ACSL5: variants seen among roughly 807,000 people sequenced by gnomAD.
ACSL5 encodes long-chain-fatty-acid--CoA ligase 5.
ACSL5 carries 50 observed loss-of-function variants against 84.9 expected under a neutral mutation model. The observed-to-expected ratio is 0.59, with a 90% CI of 0.47 to 0.75. The LOEUF (loss-of-function observed/expected upper bound fraction) is 0.75, where lower values mean the gene tolerates loss of function less well. Ranked by LOEUF, ACSL5 falls within the 30% of genes least tolerant of loss-of-function variation. The pLI is 0.00. For missense variants in ACSL5, 775 were observed against 830.4 expected (o/e 0.93, Z 0.82); for synonymous variants, 280 against 300.7 (o/e 0.93, Z 0.71).
chr10:112,392,244 G>A (rs1843658012), intron 1 of ACSL5, among the ~76,000 whole-genome samples: 1 of 152,182 alleles, frequency 6.6e-6, no homozygotes, highest in African/African-American at 2.4e-5. Flanking sequence ...GGCCAAGGTG[G>A]GAGGACCACT....
At chr10:112,423,773 G>C (rs775067517) in intron 17 of ACSL5, among the ~76,000 whole-genome samples, 11 of 152,140 alleles carry the variant, frequency 7.2e-5, no homozygotes, top group Non-Finnish European at 1.3e-4. Context: ...TAGGAAAGGG[G>C]AAGGGAGATG....
At position 112,398,939 on chromosome 10, in the gene ACSL5, C is replaced by T; in HGVS notation, c.195C>T (p.Asp65=). ...ARKGVSQKNN[D]LTSCCFSDAK... The stretch of plus-strand genomic sequence containing the variant: ...AGGGGGTTTCCCAGAAGAACAATGA[C>T]CTAACAAGTTGCTGCTTCTCAGATG... The change falls in exon 3 of 21, where the codon GAC becomes GAT. Residue 65 remains aspartate (D), a synonymous_variant. Transcript: ENST00000354655. The T allele has an allele frequency of 1.2e-6, 2 of 1,614,056 alleles. No individual in the cohort carries two copies. Among genetic ancestry groups the T allele is most frequent in the Non-Finnish European group, 1.7e-6 (2 of 1,179,986 alleles).
At chr10:112,410,317 G>A in intron 7 of ACSL5, 146 bp from the exon 8 acceptor site, 1 of 1,550,004 alleles carries the variant, frequency 6.5e-7, no homozygotes. Context: ...GTTCCTGAAT[G>A]TTGGCTTCTG....
intron 16 of ACSL5, 34 bp from the exon 17 acceptor site, chr10:112,422,291 G>A: frequency 6.3e-7 from 1 of 1,578,558 alleles, no homozygotes; most frequent in Non-Finnish European, 8.7e-7. Context: ...AGCAGCCTTT[G>A]CTATTGTCAC....
intron 14 of ACSL5, among the ~76,000 whole-genome samples, chr10:112,418,546 C>T (rs2133653690): frequency 6.6e-6 from 1 of 152,140 alleles, no homozygotes; most frequent in South Asian, 2.1e-4. Flanking sequence ...TGCGCCACTG[C>T]ACTCCAGCCT....
intron 14 of ACSL5, chr10:112,419,979 A>G (rs761855689): frequency 5.3e-5 from 8 of 152,172 alleles, no homozygotes; most frequent in Non-Finnish European, 1.2e-4. Flanking sequence ...TAATTAGTTC[A>G]TTCATTCAAC....
Position 112,427,297 on chromosome 10 carries a change from G to A in ACSL5, c.1991G>A (p.Gly664Glu). The A allele has an allele frequency of 6.2e-7, 1 of 1,613,796 alleles. No homozygotes were observed. The highest frequency in any genetic ancestry group is 8.5e-7 in the Non-Finnish European group (1 of 1,179,802). The stretch of plus-strand genomic sequence containing the variant: ...ACACCAACATTGAAAGCAAAGCGAG[G>A]AGAGCTTTCCAAATACTTTCGGACC... ...LLTPTLKAKR[G>E]ELSKYFRTQI... Residue 664 changes from glycine (G) to glutamate (E), a missense_variant, in exon 21 of 21, where the codon GGA (glycine) becomes GAA (glutamate). Physicochemically the swap from Gly to Glu is moderately conservative, Grantham distance 98 (BLOSUM62 -2). Coordinates refer to ENST00000354655, the MANE Select transcript of ACSL5 (RefSeq NM_203379.2).
chr10:112,398,848 G>A, intron 2 of ACSL5, 53 bp from the exon 3 acceptor site: 1 of 1,470,116 alleles, frequency 6.8e-7, no homozygotes, highest in Non-Finnish European at 9.5e-7. Flanking sequence ...TAAAGGTTTT[G>A]GAAAGAGTGA....
chr10:112,405,131 A>C (rs1844002525), intron 5 of ACSL5, among the ~76,000 whole-genome samples: 2 of 152,222 alleles, frequency 1.3e-5, no homozygotes, highest in African/African-American at 2.4e-5. Context: ...ATATTGTGGA[A>C]AGTATGTATT....
intron 1 of ACSL5, among the ~76,000 whole-genome samples, chr10:112,381,665 CAAAAAAA>C (rs35097669): frequency 2.0e-4 from 21 of 104,822 alleles, no homozygotes; most frequent in Non-Finnish European, 3.1e-4. Context: ...GAGACTGTCT[CAAAAAAA>C]AAAAAAAAAA....
At chr10:112,390,845 G>GA (rs1181838532) in intron 1 of ACSL5, among the ~76,000 whole-genome samples, 1 of 152,162 alleles carries the variant, frequency 6.6e-6, no homozygotes, top group Non-Finnish European at 1.5e-5. Context: ...TCATTTATAT[G>GA]AAATATTTAG....
chr10:112,410,565 C>G lies in ACSL5; in HGVS notation c.745-19C>G. ...CTCAAAGTTCATGGTGGAATAAGCC[C>G]TTGTGCTTCCTCCTCCAGCCTCCTA... On this transcript the variant is annotated intron_variant, in intron 8 of 20. Coordinates refer to ENST00000354655, the MANE Select transcript of ACSL5 (RefSeq NM_203379.2). 1 of 1,614,146 alleles carries G rather than the reference C, an allele frequency of 6.2e-7. No homozygotes were observed. The highest frequency in any genetic ancestry group is 8.5e-7 in the Non-Finnish European group (1 of 1,180,026).
intron 3 of ACSL5, among the ~76,000 whole-genome samples, chr10:112,401,782 CTT>C (rs1843897070): frequency 7.5e-6 from 1 of 133,454 alleles, no homozygotes; most frequent in African/African-American, 3.0e-5. Context: ...CTTTTTCTTT[CTT>C]TCTCTTTCTT....
Position 112,427,270 on chromosome 10 carries a change from T to G in ACSL5, c.1964T>G (p.Leu655Trp). Residue 655 changes from leucine (L) to tryptophan (W), a missense_variant, in exon 21 of 21, where the codon TTG (leucine) becomes TGG (tryptophan). Transcript: ENST00000354655. ...CCATTTTCCATTGAAAATGGGCTCT[T>G]GACACCAACATTGAAAGCAAAGCGA... is the stretch of plus-strand genomic sequence containing the variant. ...PEPFSIENGL[L>W]TPTLKAKRGE... The G allele has an allele frequency of 6.2e-7, 1 of 1,613,892 alleles. No individual in the cohort carries two copies.
At chr10:112,407,995 A>G (rs1460391045) in intron 5 of ACSL5, among the ~76,000 whole-genome samples, 1 of 150,426 alleles carries the variant, frequency 6.6e-6, no homozygotes, top group African/African-American at 2.4e-5. Context: ...AACTGTCCCT[A>G]TGGCCCCACA....
rs373643883 is a variant in ACSL5, at chr10:112,399,018, G to A, written c.265+9G>A. The stretch of plus-strand genomic sequence containing the variant: ...AGGACTCGCTGTGTCTGGTAAGCCT[G>A]GTGGTCTGTCCTTGCCTGAAGAAGA... On this transcript the variant is annotated intron_variant, in intron 3 of 20. Transcript: ENST00000354655. The A allele has an allele frequency of 2.6e-4, 416 of 1,609,240 alleles. No homozygotes were observed. Among genetic ancestry groups the A allele is most frequent in the Non-Finnish European group, 3.3e-4 (389 of 1,175,826 alleles).
intron 1 of ACSL5, among the ~76,000 whole-genome samples, chr10:112,380,615 A>G (rs1344129399): frequency 6.6e-6 from 1 of 152,074 alleles, no homozygotes; most frequent in African/African-American, 2.4e-5. Flanking sequence ...GCTCCATCCA[A>G]CCTAATGAGA....
At chr10:112,423,187 CAAAAAAAAAAAAAAA>C (rs1163487735) in intron 17 of ACSL5, among the ~76,000 whole-genome samples, 1 of 16,562 alleles carries the variant, frequency 6.0e-5, no homozygotes, top group Non-Finnish European at 9.1e-5. Context: ...GTCTCTGTCT[CAAAAAAAAAAAAAAA>C]AAAAAAAAAA....
At chr10:112,408,302 A>G (rs1844095661) in intron 5 of ACSL5, 120 bp from the exon 6 acceptor site, 2 of 598,846 alleles carry the variant, frequency 3.3e-6, no homozygotes, top group Non-Finnish European at 5.8e-6. Flanking sequence ...CTGTCTCAAA[A>G]AAAAAAAAAA....
Sources: gnomAD v4.1 joint callset for allele counts (sites outside exome capture counted in the v4.1 genomes callset) on GRCh38, gnomAD v4.1.1 for gene constraint, MANE v1.5 for transcripts, NCBI Gene and HGNC (gene_info 2026-07-23, HGNC 2026-07-21) for gene names.